Variants in ZNF385B observed in about 807,000 individuals in gnomAD.
ZNF385B encodes the protein zinc finger protein 385B.
In ZNF385B, 23 loss-of-function variants were observed where a neutral mutation model predicts 39.2. The ratio of observed to expected loss-of-function variants is 0.59; its 90% CI spans 0.42 to 0.83. The LOEUF (loss-of-function observed/expected upper bound fraction) is 0.83. ZNF385B is among the 40% of genes least tolerant of loss of function. ZNF385B has a pLI of 0.00. For synonymous variants in ZNF385B, 205 were observed against 222.6 expected (o/e 0.92, Z 0.70); for missense variants, 552 against 598.9 (o/e 0.92, Z 0.82).
intron 3 of ZNF385B, among the ~76,000 whole-genome samples, chr2:179,589,382 G>T (rs1364800345): frequency 1.3e-5 from 2 of 152,124 alleles, no homozygotes; most frequent in African/African-American, 4.8e-5. Context: ...TCCAAACCAG[G>T]TAGGGATGCC....
intron 4 of ZNF385B, among the ~76,000 whole-genome samples, chr2:179,531,012 A>C (rs1341806363): frequency 6.6e-6 from 1 of 152,098 alleles, no homozygotes; most frequent in Non-Finnish European, 1.5e-5. Flanking sequence ...TCCTAACTGG[A>C]AACTCAATAG....
intron 9 of ZNF385B, 38 bp downstream of exon 9, chr2:179,444,838 T>G: frequency 6.4e-7 from 1 of 1,568,592 alleles, no homozygotes; most frequent in Non-Finnish European, 8.8e-7. Context: ...CCAGCAAGGC[T>G]GCCCCACAAA....
intron 6 of ZNF385B, among the ~76,000 whole-genome samples, chr2:179,450,191 G>T (rs1465439531): frequency 6.6e-6 from 1 of 150,448 alleles, no homozygotes; most frequent in African/African-American, 2.5e-5. Flanking sequence ...CATAGGCATG[G>T]GCAAGGACTT....
At chr2:179,474,830 A>G (rs2053227456) in intron 6 of ZNF385B, among the ~76,000 whole-genome samples, 1 of 152,194 alleles carries the variant, frequency 6.6e-6, no homozygotes, top group Non-Finnish European at 1.5e-5. Flanking sequence ...AGGAAAAAAA[A>G]TCTGCGAGAA....
chr2:179,831,280 C>T (rs1232821932), intron 1 of ZNF385B, among the ~76,000 whole-genome samples: 1 of 152,154 alleles, frequency 6.6e-6, no homozygotes, highest in Non-Finnish European at 1.5e-5. Context: ...TTAATTCTCA[C>T]ATAACCTTAT....
intron 3 of ZNF385B, among the ~76,000 whole-genome samples, chr2:179,741,820 G>A (rs1257342128): frequency 6.6e-6 from 1 of 151,984 alleles, no homozygotes; most frequent in African/African-American, 2.4e-5. Flanking sequence ...TCTAGGTCAA[G>A]TTTGCAAGTT....
chr2:179,695,397 A>G (rs72958954), intron 3 of ZNF385B, among the ~76,000 whole-genome samples: 11,847 of 152,262 alleles, frequency 0.078, 537 homozygotes, highest in East Asian at 0.16. Flanking sequence ...GAAAGTGAAA[A>G]GACAACTCAC....
At chr2:179,662,977 CTT>C (rs1694674051) in intron 3 of ZNF385B, among the ~76,000 whole-genome samples, 1 of 152,094 alleles carries the variant, frequency 6.6e-6, no homozygotes, top group South Asian at 2.1e-4. Flanking sequence ...TGATTTTCCT[CTT>C]CTCTCCTTAC....
intron 3 of ZNF385B, among the ~76,000 whole-genome samples, chr2:179,693,033 C>T (rs147659444): frequency 6.6e-6 from 1 of 152,220 alleles, no homozygotes; most frequent in South Asian, 2.1e-4. Flanking sequence ...TTGGACTTCA[C>T]TCAAGAACTA....
chr2:179,496,089 A>T (rs72950588), intron 5 of ZNF385B, among the ~76,000 whole-genome samples: 44,331 of 152,008 alleles, frequency 0.29, 7,000 homozygotes, highest in Non-Finnish European at 0.36. Flanking sequence ...AAGACAACAC[A>T]GAGAAGGAAT....
intron 3 of ZNF385B, among the ~76,000 whole-genome samples, chr2:179,732,792 T>G (rs978328186): frequency 2.6e-5 from 4 of 152,176 alleles, no homozygotes; most frequent in African/African-American, 9.6e-5. Context: ...GAGAACTAAA[T>G]GTATGAGATT....
intron 5 of ZNF385B, among the ~76,000 whole-genome samples, chr2:179,497,309 T>G (rs959060917): frequency 6.6e-6 from 1 of 152,224 alleles, no homozygotes. Flanking sequence ...GTAGAAAGAC[T>G]AAGCAATGAA....
intron 3 of ZNF385B, among the ~76,000 whole-genome samples, chr2:179,649,404 T>A (rs576297363): frequency 5.9e-5 from 9 of 152,332 alleles, no homozygotes; most frequent in African/African-American, 2.2e-4. Flanking sequence ...AGTAGTTGTA[T>A]AGGAGATTGT....
rs373109577 is a variant in ZNF385B, at chr2:179,652,142, TAAGTAG to T, written c.299-107179_299-107174del. Among the ~76,000 whole-genome samples the T allele has an allele frequency of 9.9e-5, 15 of 152,242 alleles. 1 individual carries two copies. Among genetic ancestry groups the T allele is most frequent in the African/African-American group, 3.6e-4 (15 of 41,556 alleles). On this transcript the variant is annotated intron_variant, in intron 3 of 9. Transcript: ENST00000410066. Reference sequence around the variant, plus strand: ...TGGAAACATGACAAGAGCTATTTCCTAAGTAGCTATAAAGAGTCCATAGCTACCGTT... The same window carrying T: ...TGGAAACATGACAAGAGCTATTTCCTCTATAAAGAGTCCATAGCTACCGTT...
chr2:179,781,830 A>G (rs1368788898), intron 1 of ZNF385B, among the ~76,000 whole-genome samples: 1 of 152,142 alleles, frequency 6.6e-6, no homozygotes, highest in East Asian at 1.9e-4. Flanking sequence ...AATCAGTTGT[A>G]AATAGCATAT....
intron 5 of ZNF385B, among the ~76,000 whole-genome samples, chr2:179,493,681 A>ATATATG (rs1559336508): frequency 1.7e-5 from 2 of 117,190 alleles, no homozygotes; most frequent in Admixed American, 9.1e-5. Context: ...ATGCATATAC[A>ATATATG]TATACACATA....
At chr2:179,780,672 T>G (rs1453259050) in intron 1 of ZNF385B, among the ~76,000 whole-genome samples, 1 of 152,210 alleles carries the variant, frequency 6.6e-6, no homozygotes, top group South Asian at 2.1e-4. Context: ...AAATTTTTTA[T>G]TCCAAACATC....
chr2:179,676,289 C>T (rs995984359), intron 3 of ZNF385B, among the ~76,000 whole-genome samples: 5 of 151,994 alleles, frequency 3.3e-5, no homozygotes, highest in South Asian at 2.1e-4. Context: ...GGGGTTTCAC[C>T]GTGTTAGCCA....
At chr2:179,625,375 C>A (rs923150288) in intron 3 of ZNF385B, among the ~76,000 whole-genome samples, 1 of 151,664 alleles carries the variant, frequency 6.6e-6, no homozygotes, top group South Asian at 2.1e-4. Context: ...TCTAGCCTTA[C>A]TTATTTTATG....
Sources: allele counts gnomAD v4.1 joint callset (sites outside exome capture counted in the v4.1 genomes callset), GRCh38; gene constraint gnomAD v4.1.1; transcripts MANE v1.5; gene names NCBI Gene and HGNC (gene_info 2026-07-23, HGNC 2026-07-21).